The following DPYD variants were observed in gnomAD, a reference collection of about 807,000 sequenced individuals.
The protein encoded by DPYD is dihydropyrimidine dehydrogenase.
In DPYD, 109 loss-of-function variants were observed where a neutral mutation model predicts 116.2. The ratio of observed to expected loss-of-function variants is 0.94; its 90% CI spans 0.80 to 1.10. DPYD has a LOEUF of 1.10. DPYD is among the 50% of genes least tolerant of loss of function. DPYD has a pLI of 0.00. For synonymous variants in DPYD, 440 were observed against 432.0 expected (o/e 1.02, Z -0.23); for missense variants, 1,302 against 1,254.5 (o/e 1.04, Z -0.57).
chr1:97,437,234 A>T (rs11165873), intron 14 of DPYD, among the ~76,000 whole-genome samples: 62,099 of 150,938 alleles, frequency 0.41, 13,100 homozygotes, highest in Middle Eastern at 0.53. Flanking sequence ...ACTTTGTGTC[A>T]CTACAGATCA....
chr1:97,309,369 A>AT (rs1667360042), intron 16 of DPYD, among the ~76,000 whole-genome samples: 1 of 132,406 alleles, frequency 7.6e-6, no homozygotes. Context: ...GTGTGTGAGC[A>AT]TGTTCTTCAA....
chr1:97,319,214 C>G (rs2101093309), intron 16 of DPYD, among the ~76,000 whole-genome samples: 1 of 148,248 alleles, frequency 6.7e-6, no homozygotes, highest in South Asian at 2.2e-4. Context: ...TAGCAGAAGG[C>G]AAGAAATAAC....
intron 3 of DPYD, among the ~76,000 whole-genome samples, chr1:97,792,097 T>C (rs1398053979): frequency 6.6e-6 from 1 of 152,198 alleles, no homozygotes; most frequent in Admixed American, 6.5e-5. Flanking sequence ...ATAGTCATAA[T>C]GCAGTACCGA....
At chr1:97,134,009 AAAAAAATATATATATATATATAT>A (rs1178864501) in intron 20 of DPYD, among the ~76,000 whole-genome samples, 3,114 of 47,876 alleles carry the variant, frequency 0.065, 388 homozygotes, top group Non-Finnish European at 0.076. Context: ...AAAAAAAAAA[AAAAAAATATATATATATATATAT>A]ATATATATAT....
At chr1:97,323,634 TAC>T (rs1558031012) in intron 16 of DPYD, among the ~76,000 whole-genome samples, 7,306 of 60,780 alleles carry the variant, frequency 0.12, 694 homozygotes, top group Non-Finnish European at 0.16. Context: ...ATATCATATA[TAC>T]ATATATGTGT....
chr1:97,526,413 A>G (rs886689479), intron 12 of DPYD, among the ~76,000 whole-genome samples: 2 of 152,100 alleles, frequency 1.3e-5, no homozygotes, highest in Non-Finnish European at 2.9e-5. Context: ...CTTACCAGAA[A>G]CACGTAGAGA....
In DPYD at chr1:97,619,639, C is replaced by A. The variant is rs1237677777; in HGVS notation, c.851-24473G>T. On this transcript the variant is annotated intron_variant, in intron 8 of 22. Transcript: ENST00000370192. ...CTTCTATTTTTATAATACTGACTAG[C>A]ATAAAAATTCAAGTAATCATGCTTC... Among the ~76,000 whole-genome samples the A allele has an allele frequency of 4.6e-5, 7 of 152,214 alleles. No individual in the cohort carries two copies. The East Asian group carries it at 1.2e-3, about 25-fold the overall frequency.
chr1:97,732,594 C>A (rs1167984020), intron 4 of DPYD, among the ~76,000 whole-genome samples: 1 of 151,930 alleles, frequency 6.6e-6, no homozygotes, highest in African/African-American at 2.4e-5. Context: ...ATCCATCTAT[C>A]CTTTTCACAC....
chr1:97,752,997 T>C (rs1665016665), intron 3 of DPYD, among the ~76,000 whole-genome samples: 1 of 152,212 alleles, frequency 6.6e-6, no homozygotes, highest in African/African-American at 2.4e-5. Flanking sequence ...TTTTAATAAA[T>C]GTTCTTCAAA....
chr1:97,406,975 G>T (rs1422284215), intron 14 of DPYD, among the ~76,000 whole-genome samples: 2 of 152,110 alleles, frequency 1.3e-5, no homozygotes, highest in Non-Finnish European at 2.9e-5. Context: ...TACCTGCAAG[G>T]TTATGGTTCA....
intron 2 of DPYD, among the ~76,000 whole-genome samples, chr1:97,834,372 T>G (rs1470766544): frequency 2.6e-5 from 4 of 151,492 alleles, no homozygotes; most frequent in Non-Finnish European, 5.9e-5. Context: ...TTTAACTCCT[T>G]ATTTTGAAAA....
intron 14 of DPYD, among the ~76,000 whole-genome samples, chr1:97,433,458 G>A (rs2101737406): frequency 6.6e-6 from 1 of 152,246 alleles, no homozygotes; most frequent in Non-Finnish European, 1.5e-5. Context: ...GCAGTCATGA[G>A]TTTCTGCTCT....
chr1:97,154,704 C>T (rs1003771089), intron 20 of DPYD, among the ~76,000 whole-genome samples: 4 of 83,386 alleles, frequency 4.8e-5, no homozygotes, highest in African/African-American at 1.8e-4. Context: ...GAGACTCCAT[C>T]TCAAAAAAAA....
Position 97,255,262 on chromosome 1 carries a change from A to G in DPYD, c.2300-20268T>C, listed in dbSNP as rs542393296. On this transcript the variant is annotated intron_variant, in intron 18 of 22. Transcript: ENST00000370192. ...TGCATACACTTATACAGCACTTCCTATATGACAAGCTCTAGTGTAAGTGTT... is the reference window on the plus strand; with the variant it reads ...TGCATACACTTATACAGCACTTCCTGTATGACAAGCTCTAGTGTAAGTGTT... 1.4e-4 allele frequency among the ~76,000 whole-genome samples: 22 copies of G among 152,320 alleles called. No individual in the cohort carries two copies. The South Asian group carries it at 4.6e-3, about 32-fold the overall frequency.
At chr1:97,702,247 TTAAAA>T (rs1436929198) in intron 5 of DPYD, among the ~76,000 whole-genome samples, 3 of 151,288 alleles carry the variant, frequency 2.0e-5, no homozygotes, top group Non-Finnish European at 3.0e-5. Flanking sequence ...AGATCATTAA[TTAAAA>T]TATAGTTAAA....
chr1:97,516,023 A>G (rs1436374408), intron 12 of DPYD, 82 bp from the exon 13 acceptor site: 1 of 1,292,284 alleles, frequency 7.7e-7, no homozygotes, highest in East Asian at 2.5e-5. Context: ...TCACTTCAAC[A>G]CAGCATCCGA....
intron 3 of DPYD, among the ~76,000 whole-genome samples, chr1:97,782,605 G>T (rs1226678688): frequency 3.9e-5 from 6 of 152,076 alleles, no homozygotes; most frequent in African/African-American, 1.2e-4. Flanking sequence ...TCCCTGTTTA[G>T]ATTTAAAACG....
At chr1:97,638,700 C>A (rs747727931) in intron 8 of DPYD, among the ~76,000 whole-genome samples, 2 of 152,008 alleles carry the variant, frequency 1.3e-5, no homozygotes, top group African/African-American at 4.8e-5. Flanking sequence ...GACTTACAAT[C>A]GTGGCAGAAG....
chr1:97,677,239 G>A (rs995249316), intron 8 of DPYD, among the ~76,000 whole-genome samples: 1 of 151,930 alleles, frequency 6.6e-6, no homozygotes, highest in Non-Finnish European at 1.5e-5. Flanking sequence ...TATTTTATTG[G>A]TCCATATTCC....
Sources: allele counts gnomAD v4.1 joint callset (sites outside exome capture counted in the v4.1 genomes callset), GRCh38; gene constraint gnomAD v4.1.1; transcripts MANE v1.5; gene names NCBI Gene and HGNC (gene_info 2026-07-23, HGNC 2026-07-21).